COL22A1: variants seen among roughly 807,000 people sequenced by gnomAD.
The protein encoded by COL22A1 is collagen alpha-1(XXII) chain.
COL22A1 carries 221 observed loss-of-function variants against 248.9 expected under a neutral mutation model. That is an observed-to-expected ratio of 0.89 (90% confidence interval 0.80 to 0.99). COL22A1 has a LOEUF of 0.99. Ranked by LOEUF, COL22A1 falls within the 50% of genes least tolerant of loss-of-function variation. The pLI, the probability that COL22A1 is intolerant of heterozygous loss-of-function variation, is 0.00. For synonymous variants in COL22A1, 891 were observed against 793.4 expected (o/e 1.12, Z -2.07); for missense variants, 2,240 against 2,179.0 (o/e 1.03, Z -0.56).
At chr8:138,610,564 G>A (rs1210478094) in intron 56 of COL22A1, among the ~76,000 whole-genome samples, 1 of 152,204 alleles carries the variant, frequency 6.6e-6, no homozygotes, top group East Asian at 1.9e-4. Context: ...GCAAACTTCA[G>A]CAGCTCATTT....
intron 3 of COL22A1, among the ~76,000 whole-genome samples, chr8:138,846,449 G>C (rs1204285553): frequency 6.6e-6 from 1 of 152,216 alleles, no homozygotes; most frequent in Non-Finnish European, 1.5e-5. Flanking sequence ...CTCAAAGATA[G>C]AACTTGCTCA....
chr8:138,688,968 AC>A lies in COL22A1; in HGVS notation c.2810del (p.Gly937ValfsTer65), dbSNP rs747270638. 6.2e-7 allele frequency: 1 copy of A among 1,612,302 alleles called. No individual in the cohort carries two copies. ...CTGGGGTGCCTCTGAGGCCGGGAGC[AC>A]CCTGTGGCAAGGAAGATTACGGACA... is the stretch of plus-strand genomic sequence containing the variant. ...PGPSGPPGSV[G>X]APGLRGTPGK... On this transcript the variant is annotated frameshift_variant and splice_region_variant, in exon 37 of 65. Coordinates refer to ENST00000303045, the MANE Select transcript of COL22A1 (RefSeq NM_152888.3). LOFTEE classifies it high-confidence loss of function.
intron 27 of COL22A1, among the ~76,000 whole-genome samples, chr8:138,719,702 C>A (rs1372420253): frequency 1.3e-5 from 2 of 152,236 alleles, no homozygotes; most frequent in East Asian, 3.9e-4. Flanking sequence ...ACGGGGTCAG[C>A]TTCCCCCACT....
intron 17 of COL22A1, among the ~76,000 whole-genome samples, chr8:138,761,389 A>T (rs1020694585): frequency 6.6e-6 from 1 of 152,162 alleles, no homozygotes; most frequent in South Asian, 2.1e-4. Flanking sequence ...ATATTTTTTT[A>T]AATGGTTCCA....
intron 1 of COL22A1, among the ~76,000 whole-genome samples, chr8:138,887,379 A>G (rs1426655687): frequency 6.6e-6 from 1 of 151,964 alleles, no homozygotes; most frequent in African/African-American, 2.4e-5. Context: ...GTCTGCCACC[A>G]CACCTAATTT....
intron 3 of COL22A1, among the ~76,000 whole-genome samples, chr8:138,863,566 A>T (rs1334952583): frequency 6.6e-6 from 1 of 152,168 alleles, no homozygotes; most frequent in Non-Finnish European, 1.5e-5. Flanking sequence ...GCACTGAGCA[A>T]GTCATCTTCA....
chr8:138,668,986 C>T (rs912490275), intron 41 of COL22A1, among the ~76,000 whole-genome samples: 3 of 152,142 alleles, frequency 2.0e-5, no homozygotes, highest in South Asian at 2.1e-4. Flanking sequence ...GAGAACACTA[C>T]GCAAAGAGGA....
At chr8:138,625,675 T>C (rs1050903581) in intron 51 of COL22A1, among the ~76,000 whole-genome samples, 4 of 152,198 alleles carry the variant, frequency 2.6e-5, no homozygotes, top group Non-Finnish European at 5.9e-5. Flanking sequence ...GCATACAAAA[T>C]TGTCCGTTGT....
chr8:138,622,281 C>T (rs1215359094), intron 52 of COL22A1, among the ~76,000 whole-genome samples: 2 of 152,294 alleles, frequency 1.3e-5, no homozygotes, highest in Admixed American at 6.5e-5. Flanking sequence ...TACCCAGCAA[C>T]TCTGGCAAGT....
intron 11 of COL22A1, among the ~76,000 whole-genome samples, chr8:138,798,673 C>T (rs574397247): frequency 6.6e-6 from 1 of 152,274 alleles, no homozygotes; most frequent in South Asian, 2.1e-4. Flanking sequence ...CATCCCTGTG[C>T]CTTCTAGCCT....
intron 22 of COL22A1, among the ~76,000 whole-genome samples, chr8:138,737,965 G>C (rs1831250743): frequency 6.6e-6 from 1 of 151,800 alleles, no homozygotes; most frequent in East Asian, 1.9e-4. Flanking sequence ...TTATGCATTG[G>C]TAAGCCTTAC....
chr8:138,626,262 A>C lies in COL22A1; in HGVS notation c.3664-19T>G. ...CTTTCCCCTAAAAGATCCAAGACAT[A>C]AAAACACCATGAAACCTCTGCTGGC... On this transcript the variant is annotated intron_variant, in intron 50 of 64. Coordinates refer to ENST00000303045, the MANE Select transcript of COL22A1 (RefSeq NM_152888.3). The C allele has an allele frequency of 6.2e-7, 1 of 1,601,676 alleles. No homozygotes were observed. Among genetic ancestry groups the C allele is most frequent in the Non-Finnish European group, 8.5e-7 (1 of 1,171,356 alleles).
chr8:138,748,562 G>A (rs1354271388), intron 22 of COL22A1, among the ~76,000 whole-genome samples: 1 of 152,164 alleles, frequency 6.6e-6, no homozygotes, highest in African/African-American at 2.4e-5. Context: ...GAGCTGTTAT[G>A]GGAGCTGCCA....
intron 41 of COL22A1, among the ~76,000 whole-genome samples, chr8:138,675,060 C>A (rs1266159785): frequency 6.6e-6 from 1 of 152,208 alleles, no homozygotes; most frequent in Non-Finnish European, 1.5e-5. Context: ...ATTCCACACG[C>A]CTCCTTCCAT....
chr8:138,619,561 C>A, intron 52 of COL22A1, 53 bp from the exon 53 acceptor site: 1 of 1,526,634 alleles, frequency 6.6e-7, no homozygotes, highest in Non-Finnish European at 9.1e-7. Context: ...AAGAATCTTC[C>A]TATTCCTGGC....
At chr8:138,616,771 T>G (rs535531437) in intron 54 of COL22A1, 143 bp downstream of exon 54, 1 of 878,040 alleles carries the variant, frequency 1.1e-6, no homozygotes, top group African/African-American at 1.7e-5. Flanking sequence ...GGTGTCCCTG[T>G]GCTGGCTTGC....
At chr8:138,702,298 T>A (rs994623979) in intron 31 of COL22A1, among the ~76,000 whole-genome samples, 1 of 152,228 alleles carries the variant, frequency 6.6e-6, no homozygotes, top group Non-Finnish European at 1.5e-5. Flanking sequence ...AAAGTTGTGA[T>A]CCCAATTTCT....
At chr8:138,818,164 A>T (rs1818830898) in intron 7 of COL22A1, among the ~76,000 whole-genome samples, 1 of 152,088 alleles carries the variant, frequency 6.6e-6, no homozygotes, top group East Asian at 1.9e-4. Flanking sequence ...CTGTAGAGTA[A>T]ATGAGGGGCT....
intron 59 of COL22A1, among the ~76,000 whole-genome samples, chr8:138,603,562 G>A (rs1818202668): frequency 6.6e-6 from 1 of 152,182 alleles, no homozygotes; most frequent in Non-Finnish European, 1.5e-5. Context: ...TATTCGAGAA[G>A]TCCAAAGAGA....
Sources: gnomAD v4.1 joint callset for allele counts (sites outside exome capture counted in the v4.1 genomes callset) on GRCh38, gnomAD v4.1.1 for gene constraint, MANE v1.5 for transcripts, NCBI Gene and HGNC (gene_info 2026-07-23, HGNC 2026-07-21) for gene names.